Variants in OCA2 observed in about 807,000 individuals in gnomAD.
The protein encoded by OCA2 is OCA2 melanosomal transmembrane protein.
In OCA2, 77 loss-of-function variants were observed where a neutral mutation model predicts 100.2. That is an observed-to-expected ratio of 0.77 (90% CI 0.64 to 0.93). The LOEUF (loss-of-function observed/expected upper bound fraction) is 0.93, where lower values mean the gene tolerates loss of function less well. OCA2 is among the 40% of genes least tolerant of loss of function. The probability of loss-of-function intolerance (pLI) is 0.00; values close to 1 mark genes in which losing one functional copy is unlikely to be tolerated. For synonymous variants in OCA2, 432 were observed against 439.2 expected (o/e 0.98, Z 0.21); for missense variants, 1,062 against 1,089.1 (o/e 0.98, Z 0.35).
intron 18 of OCA2, among the ~76,000 whole-genome samples, chr15:27,927,974 T>C (rs1417685146): frequency 6.6e-6 from 1 of 151,826 alleles, no homozygotes; most frequent in Non-Finnish European, 1.5e-5. Context: ...GTATTTTCAG[T>C]AGAGATGGGG....
At chr15:28,068,699 T>C (rs1347877839) in intron 2 of OCA2, among the ~76,000 whole-genome samples, 1 of 152,106 alleles carries the variant, frequency 6.6e-6, no homozygotes, top group African/African-American at 2.4e-5. Context: ...CTCGACAAAA[T>C]ACTAGCAAAT....
At chr15:27,902,859 C>T (rs1400728853) in intron 19 of OCA2, among the ~76,000 whole-genome samples, 1 of 152,236 alleles carries the variant, frequency 6.6e-6, no homozygotes, top group Non-Finnish European at 1.5e-5. Context: ...GTGTTCCAGG[C>T]ACAGTGCGTT....
intron 2 of OCA2, among the ~76,000 whole-genome samples, chr15:28,040,413 T>C (rs2043169157): frequency 6.6e-6 from 1 of 151,584 alleles, no homozygotes; most frequent in Non-Finnish European, 1.5e-5. Context: ...AGAAGAAAGA[T>C]CACAAATTAG....
chr15:27,966,697 C>G lies in OCA2; in HGVS notation c.1629G>C (p.Glu543Asp), dbSNP rs2140823863. The change falls in exon 15 of 24, where the codon GAG (glutamate) becomes GAC (aspartate). Residue 543 changes from glutamate to aspartate, a missense_variant. Coordinates refer to ENST00000354638, the MANE Select transcript of OCA2 (RefSeq NM_000275.3). Reference sequence around the variant, plus strand: ...GGTTGCACTTGTACTCACCAACAATCTCACTGGGTTCCTTGTTATAAAGCT... The same window carrying G: ...GGTTGCACTTGTACTCACCAACAATGTCACTGGGTTCCTTGTTATAAAGCT... ...NRKLYNKEPS[E>D]IVELKHEIHV... 1 of 1,614,054 alleles carries G rather than the reference C, an allele frequency of 6.2e-7. No individual in the cohort carries two copies. The highest frequency in any genetic ancestry group is 2.2e-5 in the East Asian group (1 of 44,874).
At chr15:27,971,507 G>A (rs1462309522) in intron 14 of OCA2, among the ~76,000 whole-genome samples, 1 of 152,116 alleles carries the variant, frequency 6.6e-6, no homozygotes, top group African/African-American at 2.4e-5. Flanking sequence ...CAGCCAGGCC[G>A]ACTCATGCTT....
At chr15:27,852,643 A>G (rs1403898327) in intron 21 of OCA2, among the ~76,000 whole-genome samples, 3 of 151,878 alleles carry the variant, frequency 2.0e-5, no homozygotes, top group African/African-American at 4.8e-5. Context: ...GCAACCTACA[A>G]AATGGGAGAA....
chr15:27,820,940 G>A (rs1462484908), intron 23 of OCA2, among the ~76,000 whole-genome samples: 4 of 152,122 alleles, frequency 2.6e-5, no homozygotes, highest in Admixed American at 1.3e-4. Context: ...TTCTGTCCTG[G>A]GTTGCCAGGT....
At position 27,851,445 on chromosome 15, in the gene OCA2, G is replaced by A. The variant is rs765361091; in HGVS notation, c.2275C>T (p.Pro759Ser). Residue 759 changes from proline (P) to serine (S), a missense_variant, in exon 22 of 24, where the codon CCT becomes TCT. Physicochemically the swap from Pro to Ser is moderately conservative, Grantham distance 74. Coordinates refer to ENST00000354638, the MANE Select transcript of OCA2 (RefSeq NM_000275.3). ...IPVLLNLSHD[P>S]EVGLPAPPLM... ...GGCGGTGCGGGCAGGCCAACCTCAG[G>A]GTCGTGGCTCAGGTTCAGGAGCACG... 4 of 1,613,760 alleles carry A rather than the reference G, an allele frequency of 2.5e-6. No individual in the cohort carries two copies. The African/African-American group carries it at 5.3e-5, about 22-fold the overall frequency.
intron 9 of OCA2, among the ~76,000 whole-genome samples, chr15:27,997,120 G>GAAA (rs1465837536): frequency 5.2e-5 from 3 of 58,050 alleles, no homozygotes; most frequent in East Asian, 3.1e-4. Flanking sequence ...AGAAAGGAAG[G>GAAA]AAGGAAGGAA....
intron 21 of OCA2, among the ~76,000 whole-genome samples, chr15:27,865,444 G>T (rs780294481): frequency 3.3e-5 from 5 of 152,244 alleles, no homozygotes; most frequent in Non-Finnish European, 7.3e-5. Context: ...GGCAGGGAAG[G>T]CAGGCAGCTC....
chr15:27,790,029 T>C (rs1024225534), intron 23 of OCA2, among the ~76,000 whole-genome samples: 1 of 151,996 alleles, frequency 6.6e-6, no homozygotes, highest in Admixed American at 6.6e-5. Flanking sequence ...ATTTTTCAAA[T>C]CAAAGATGAC....
intron 9 of OCA2, among the ~76,000 whole-genome samples, chr15:27,995,563 T>TTTG (rs1025937049): frequency 1.3e-5 from 2 of 151,128 alleles, no homozygotes; most frequent in Non-Finnish European, 3.0e-5. Context: ...CAGCTAATTT[T>TTTG]TTTTTTTCAG....
intron 23 of OCA2, among the ~76,000 whole-genome samples, chr15:27,805,549 C>A (rs1196872513): frequency 6.6e-6 from 1 of 152,168 alleles, no homozygotes; most frequent in Non-Finnish European, 1.5e-5. Context: ...GCCGCTCGCC[C>A]AGGATGTGGC....
At chr15:27,756,253 G>A (rs2030359179) in intron 23 of OCA2, among the ~76,000 whole-genome samples, 1 of 152,224 alleles carries the variant, frequency 6.6e-6, no homozygotes, top group Non-Finnish European at 1.5e-5. Flanking sequence ...AGTTTTAGCA[G>A]TAAGAGCCTA....
intron 2 of OCA2, among the ~76,000 whole-genome samples, chr15:28,048,459 A>T (rs924584161): frequency 4.6e-5 from 7 of 152,242 alleles, no homozygotes; most frequent in African/African-American, 1.2e-4. Flanking sequence ...AGTCTCTTCA[A>T]CAATTGGTGC....
At chr15:27,832,199 C>T (rs1388172716) in intron 23 of OCA2, among the ~76,000 whole-genome samples, 7 of 152,186 alleles carry the variant, frequency 4.6e-5, no homozygotes, top group East Asian at 1.9e-4. Flanking sequence ...CTCACATCCA[C>T]GTTGTCCACC....
chr15:27,826,985 T>C (rs544074658), intron 23 of OCA2, among the ~76,000 whole-genome samples: 4 of 152,362 alleles, frequency 2.6e-5, no homozygotes, highest in African/African-American at 9.6e-5. Flanking sequence ...CCGCATGGTC[T>C]CCCGGCAAGA....
intron 18 of OCA2, among the ~76,000 whole-genome samples, chr15:27,938,073 T>C (rs1025178551): frequency 6.6e-5 from 10 of 152,242 alleles, no homozygotes; most frequent in South Asian, 2.1e-4. Context: ...GGTAAGTTAT[T>C]GCTGCAATAA....
chr15:28,010,164 T>C (rs577322984), intron 9 of OCA2, among the ~76,000 whole-genome samples: 1 of 150,622 alleles, frequency 6.6e-6, no homozygotes, highest in Non-Finnish European at 1.5e-5. Flanking sequence ...TTATGGTTTT[T>C]AAAAAAAAAG....
Sources: allele counts gnomAD v4.1 joint callset (sites outside exome capture counted in the v4.1 genomes callset), GRCh38; gene constraint gnomAD v4.1.1; transcripts MANE v1.5; gene names NCBI Gene and HGNC (gene_info 2026-07-23, HGNC 2026-07-21).